The following PCSK1 variants were observed in gnomAD, a reference collection of about 807,000 sequenced individuals.
The protein encoded by PCSK1 is proprotein convertase subtilisin/kexin type 1, also known as neuroendocrine convertase 1.
A neutral mutation model predicts 90.6 loss-of-function variants in PCSK1; 56 were observed. The observed-to-expected ratio is 0.62, with a 90% CI of 0.50 to 0.77. The LOEUF (loss-of-function observed/expected upper bound fraction) is 0.77, where lower values mean the gene tolerates loss of function less well. PCSK1 is among the 30% of genes least tolerant of loss of function. The pLI is 0.00. For synonymous variants in PCSK1, 348 were observed against 342.4 expected, an observed-to-expected ratio of 1.02 and a Z score of -0.18; for missense variants, 801 against 932.6, an observed-to-expected ratio of 0.86 and a Z score of 1.84.
At chr5:96,396,704 T>C (rs1760162278) in intron 12 of PCSK1, among the ~76,000 whole-genome samples, 1 of 152,114 alleles carries the variant, frequency 6.6e-6, no homozygotes, top group Non-Finnish European at 1.5e-5. Flanking sequence ...GATGCAAAAA[T>C]AAATAATTAA....
chr5:96,414,620 T>C (rs1010553476), intron 6 of PCSK1, among the ~76,000 whole-genome samples: 2 of 152,184 alleles, frequency 1.3e-5, no homozygotes, highest in Non-Finnish European at 1.5e-5. Context: ...TCAGTAGGCT[T>C]GGAATCTTGT....
intron 12 of PCSK1, among the ~76,000 whole-genome samples, chr5:96,396,164 C>G (rs926245357): frequency 3.3e-5 from 5 of 151,966 alleles, no homozygotes; most frequent in South Asian, 4.2e-4. Context: ...TTTTAGCAGT[C>G]TTTAGGAGAA....
chr5:96,410,037 A>T (rs1007122801), intron 8 of PCSK1, among the ~76,000 whole-genome samples: 2 of 152,170 alleles, frequency 1.3e-5, no homozygotes, highest in Admixed American at 1.3e-4. Flanking sequence ...TACTTTAGCT[A>T]GTTGGTCCTT....
intron 6 of PCSK1, among the ~76,000 whole-genome samples, chr5:96,413,819 T>G: frequency 2.0e-5 from 2 of 101,652 alleles, no homozygotes; most frequent in Non-Finnish European, 4.0e-5. Flanking sequence ...AAAAAAAAAA[T>G]GCATTTAGAA....
chr5:96,430,728 G>C (rs1247440493), intron 1 of PCSK1, among the ~76,000 whole-genome samples: 2 of 152,140 alleles, frequency 1.3e-5, no homozygotes, highest in Non-Finnish European at 2.9e-5. Context: ...TGTTAAGTTT[G>C]TTTTAAAACT....
At chr5:96,394,786 A>C in intron 13 of PCSK1, 78 bp downstream of exon 13, 4 of 1,329,898 alleles carry the variant, frequency 3.0e-6, no homozygotes, top group Non-Finnish European at 4.3e-6. Context: ...TCCTGCTTGG[A>C]AGTTGGGTAC....
intron 6 of PCSK1, among the ~76,000 whole-genome samples, chr5:96,412,728 A>G (rs1760797500): frequency 7.2e-6 from 1 of 138,006 alleles, no homozygotes; most frequent in Admixed American, 7.2e-5. Context: ...ATGCAATACC[A>G]TGCACTGTGT....
chr5:96,412,596 A>G, intron 6 of PCSK1, 106 bp from the exon 7 acceptor site: 1 of 1,057,568 alleles, frequency 9.5e-7, no homozygotes, highest in Non-Finnish European at 1.4e-6. Context: ...TTTAAGAGTC[A>G]AAAACCAGGT....
intron 9 of PCSK1, 109 bp downstream of exon 9, chr5:96,408,114 G>C: frequency 1.3e-6 from 1 of 755,596 alleles, no homozygotes; most frequent in South Asian, 1.5e-5. Flanking sequence ...ATCTTTATTT[G>C]CAGTATTCCA....
intron 6 of PCSK1, among the ~76,000 whole-genome samples, chr5:96,414,737 A>T (rs1478426739): frequency 2.0e-5 from 3 of 152,180 alleles, no homozygotes; most frequent in African/African-American, 7.2e-5. Context: ...CACAAACTAT[A>T]GCTGTTTCGT....
At position 96,398,945 on chromosome 5, in the gene PCSK1, G is replaced by A. The variant is rs1037903388; in HGVS notation, c.1522C>T (p.Gln508Ter). ...GAATATTCAATTGTTGCTTCAAATT[G>A]TACATGCTCCAGGGACTTGATAGCA... ...ENAIKSLEHV[Q>*]FEATIEYSRR... Residue 508 changes from glutamine (Q) to a stop codon, truncating the protein, a stop_gained, in exon 11 of 14, where the codon CAA becomes TAA. Coordinates refer to ENST00000311106, the MANE Select transcript of PCSK1 (RefSeq NM_000439.5). LOFTEE classifies it high-confidence loss of function. 1 of 1,612,630 alleles carries A rather than the reference G, an allele frequency of 6.2e-7. No homozygotes were observed. The highest frequency in any genetic ancestry group is 8.5e-7 in the Non-Finnish European group (1 of 1,178,674).
At chr5:96,411,137 T>C (rs898298086) in intron 7 of PCSK1, 151 bp from the exon 8 acceptor site, 5 of 709,020 alleles carry the variant, frequency 7.1e-6, no homozygotes, top group Admixed American at 2.1e-5. Context: ...GGCTTCGATA[T>C]TGGAAATCTC....
At position 96,433,108 on chromosome 5, in the gene PCSK1, G is replaced by T; in HGVS notation, c.-66C>A. On this transcript the variant is annotated 5_prime_UTR_variant, in exon 1 of 14. Transcript: ENST00000311106. ...GAAAAAGAAGCAAGATAGGAGAAAA[G>T]CCAGACAGACTCCCCCTTCCCACCC... 1 of 1,477,300 alleles carries T rather than the reference G, an allele frequency of 6.8e-7. No individual in the cohort carries two copies. The highest frequency in any genetic ancestry group is 9.5e-7 in the Non-Finnish European group (1 of 1,056,878). 91.5% of individuals were successfully genotyped at this position (1,477,300 alleles called of 1,614,324 possible).
At chr5:96,430,396 A>C (rs1761455445) in intron 1 of PCSK1, among the ~76,000 whole-genome samples, 2 of 152,228 alleles carry the variant, frequency 1.3e-5, no homozygotes, top group Non-Finnish European at 2.9e-5. Flanking sequence ...TCGCCCAGAG[A>C]ATTTTAAAAT....
At chr5:96,396,536 TG>T (rs1301447736) in intron 12 of PCSK1, among the ~76,000 whole-genome samples, 2 of 144,194 alleles carry the variant, frequency 1.4e-5, no homozygotes, top group Non-Finnish European at 3.0e-5. Flanking sequence ...AACTCCAGCC[TG>T]GGTGACAGAG....
intron 6 of PCSK1, chr5:96,412,860 C>A (rs1760816202): frequency 1.4e-6 from 1 of 704,214 alleles, no homozygotes; most frequent in Non-Finnish European, 1.8e-6. Context: ...GAGGAAGTGG[C>A]CGTGATTGTT....
chr5:96,430,530 C>G (rs904860764), intron 1 of PCSK1, among the ~76,000 whole-genome samples: 7 of 152,130 alleles, frequency 4.6e-5, no homozygotes, highest in Non-Finnish European at 1.0e-4. Flanking sequence ...TCTGTTTTCT[C>G]TGCTGTCAAC....
At chr5:96,423,251 C>A (rs1262812835) in intron 4 of PCSK1, 62 bp downstream of exon 4, 19 of 1,512,810 alleles carry the variant, frequency 1.3e-5, no homozygotes, top group Non-Finnish European at 1.6e-5. Context: ...GAAGGAAAGC[C>A]CTAACTGTGT....
Position 96,432,915 on chromosome 5 carries a change from G to T in PCSK1, c.128C>A (p.Pro43Gln), listed in dbSNP as rs1463744667. The T allele has an allele frequency of 1.9e-6, 3 of 1,613,982 alleles. No homozygotes were observed. In the Admixed American group the frequency reaches 5.0e-5, roughly 27 times the overall value. Residue 43 changes from proline to glutamine, a missense_variant, in exon 1 of 14, where the codon CCG becomes CAG. Coordinates refer to ENST00000311106, the MANE Select transcript of PCSK1 (RefSeq NM_000439.5). The stretch of plus-strand genomic sequence containing the variant: ...CTCGGCGATGGCCGAGGCTGCTTCC[G>T]GGCCCCCGGGGATCTCCGCTGCCCA... ...NEWAAEIPGG[P>Q]EAASAIAEEL... is the part of the protein sequence containing the mutation.
Sources: allele counts gnomAD v4.1 joint callset (sites outside exome capture counted in the v4.1 genomes callset), GRCh38; gene constraint gnomAD v4.1.1; transcripts MANE v1.5; gene names NCBI Gene and HGNC (gene_info 2026-07-23, HGNC 2026-07-21).